The following UBXN7 variants were observed in gnomAD, a reference collection of about 807,000 sequenced individuals.
The protein encoded by UBXN7 is UBX domain-containing protein 7.
UBXN7 carries 9 observed loss-of-function variants against 58.0 expected under a neutral mutation model. That is an observed-to-expected ratio of 0.16 (90% confidence interval 0.09 to 0.27). The LOEUF (loss-of-function observed/expected upper bound fraction) is 0.27. Among genes scored for constraint, UBXN7 ranks in the 10% least tolerant of loss-of-function variants. UBXN7 has a pLI of 1.00. For synonymous variants in UBXN7, 208 were observed against 205.0 expected (o/e 1.01, Z -0.12); for missense variants, 328 against 599.6 (o/e 0.55, Z 4.73).
At chr3:196,379,385 T>C (rs973001759) in intron 5 of UBXN7, among the ~76,000 whole-genome samples, 2 of 152,212 alleles carry the variant, frequency 1.3e-5, no homozygotes, top group Non-Finnish European at 2.9e-5. Context: ...TGACTTAGAA[T>C]GTCTAACCTT....
chr3:196,421,927 G>A (rs1007064090), intron 1 of UBXN7, among the ~76,000 whole-genome samples: 53 of 152,032 alleles, frequency 3.5e-4, no homozygotes, highest in African/African-American at 1.1e-3. Context: ...GGCCAGGCAC[G>A]GTAGCTCACG....
chr3:196,419,034 T>A (rs976775265), intron 1 of UBXN7, among the ~76,000 whole-genome samples: 7 of 152,072 alleles, frequency 4.6e-5, no homozygotes, highest in Non-Finnish European at 2.9e-5. Context: ...GGGAGGCCGA[T>A]GTGGGTGGAT....
intron 6 of UBXN7, among the ~76,000 whole-genome samples, chr3:196,370,242 G>C (rs1577438305): frequency 6.6e-6 from 1 of 151,620 alleles, no homozygotes; most frequent in East Asian, 1.9e-4. Flanking sequence ...TTTGAGACCA[G>C]CCTGGGCATC....
At chr3:196,416,410 G>T (rs960084658) in intron 1 of UBXN7, among the ~76,000 whole-genome samples, 1 of 151,940 alleles carries the variant, frequency 6.6e-6, no homozygotes, top group Admixed American at 6.6e-5. Flanking sequence ...CTGCCTGGGC[G>T]ATTGAGCAAG....
chr3:196,385,938 G>C (rs1044696359), intron 5 of UBXN7, among the ~76,000 whole-genome samples: 1 of 152,226 alleles, frequency 6.6e-6, no homozygotes, highest in Non-Finnish European at 1.5e-5. Flanking sequence ...GAATAGAAGG[G>C]GGGGAAATGT....
chr3:196,390,779 T>C (rs748505264), intron 5 of UBXN7, among the ~76,000 whole-genome samples: 13 of 150,128 alleles, frequency 8.7e-5, no homozygotes, highest in Non-Finnish European at 1.9e-4. Flanking sequence ...TTTACATCTA[T>C]GGAAATGCTA....
chr3:196,396,012 C>G (rs529207176), intron 3 of UBXN7, among the ~76,000 whole-genome samples: 10 of 152,094 alleles, frequency 6.6e-5, no homozygotes, highest in African/African-American at 9.7e-5. Context: ...GTGATCCACC[C>G]GCCTCGGCTA....
intron 1 of UBXN7, among the ~76,000 whole-genome samples, chr3:196,407,729 A>C (rs1382810467): frequency 6.6e-6 from 1 of 152,176 alleles, no homozygotes; most frequent in Non-Finnish European, 1.5e-5. Context: ...AAGAAAAATG[A>C]AAGACTACAT....
chr3:196,358,389 T>G (rs561419738), intron 10 of UBXN7, among the ~76,000 whole-genome samples: 1 of 152,316 alleles, frequency 6.6e-6, no homozygotes, highest in East Asian at 1.9e-4. Flanking sequence ...AAATCTTCAC[T>G]GGAACATACC....
Position 196,350,506 on chromosome 3 carries a change from CAT to C in UBXN7, c.*6177_*6178del, listed in dbSNP as rs1410326730. On this transcript the variant is annotated 3_prime_UTR_variant, in exon 11 of 11. Coordinates refer to ENST00000296328, the MANE Select transcript of UBXN7 (RefSeq NM_015562.2). Reference sequence around the variant, plus strand: ...AAACATAGCCAATTACACTAAAAATCATAACTATTTTCAGAGAATGAATGTTA... The same window carrying C: ...AAACATAGCCAATTACACTAAAAATCAACTATTTTCAGAGAATGAATGTTA... 4.0e-5 allele frequency: 6 copies of C among 149,964 alleles called. No individual in the cohort carries two copies. The highest frequency in any genetic ancestry group is 1.3e-4 in the Admixed American group (2 of 14,980). 9.3% of individuals were successfully genotyped at this position (149,964 alleles called of 1,614,324 possible).
chr3:196,412,230 C>CAAAAAAAAAAAAAAAAAAAAA (rs55746914), intron 1 of UBXN7, among the ~76,000 whole-genome samples: 1 of 89,124 alleles, frequency 1.1e-5, no homozygotes, highest in African/African-American at 4.9e-5. Flanking sequence ...GACTTTGTCT[C>CAAAAAAAAAAAAAAAAAAAAA]AAAAAAAAAA....
chr3:196,402,003 T>C lies in UBXN7; in HGVS notation c.289+949A>G, dbSNP rs1459593266. 3.3e-5 allele frequency among the ~76,000 whole-genome samples: 5 copies of C among 152,084 alleles called. No homozygotes were observed. In the South Asian group the frequency reaches 1.0e-3, roughly 32 times the overall value. ...AAAGTTGGAGGGAAAAAAATTTGTA[T>C]GTCTCTTGTACTCAATTGTATTTAT... On this transcript the variant is annotated intron_variant, in intron 3 of 10. Coordinates refer to ENST00000296328, the MANE Select transcript of UBXN7 (RefSeq NM_015562.2).
chr3:196,373,446 C>T (rs1728900517), intron 5 of UBXN7, among the ~76,000 whole-genome samples: 1 of 152,168 alleles, frequency 6.6e-6, no homozygotes, highest in South Asian at 2.1e-4. Flanking sequence ...AATGCTGCCT[C>T]AAATCTTTGC....
At chr3:196,396,104 G>A (rs982392793) in intron 3 of UBXN7, among the ~76,000 whole-genome samples, 4 of 151,840 alleles carry the variant, frequency 2.6e-5, no homozygotes, top group Non-Finnish European at 4.4e-5. Context: ...ACCCTGTGTC[G>A]CTCTCTACCT....
intron 1 of UBXN7, among the ~76,000 whole-genome samples, chr3:196,417,427 T>C (rs569719633): frequency 9.2e-5 from 14 of 152,322 alleles, no homozygotes; most frequent in African/African-American, 2.9e-4. Context: ...TCTGTACTCA[T>C]GCTAAGGAGC....
chr3:196,373,954 A>C (rs1728916475), intron 5 of UBXN7, among the ~76,000 whole-genome samples: 1 of 152,258 alleles, frequency 6.6e-6, no homozygotes, highest in East Asian at 1.9e-4. Flanking sequence ...AGGAAGCCGC[A>C]TTTAACTGGT....
chr3:196,401,290 TATATATATAC>T (rs1342247491), intron 3 of UBXN7, among the ~76,000 whole-genome samples: 9 of 82,650 alleles, frequency 1.1e-4, no homozygotes, highest in African/African-American at 4.6e-4. Flanking sequence ...TATATATATA[TATATATATAC>T]ACACACACAC....
intron 5 of UBXN7, among the ~76,000 whole-genome samples, chr3:196,375,214 C>CACA (rs1165218088): frequency 1.3e-5 from 2 of 150,726 alleles, no homozygotes; most frequent in African/African-American, 2.5e-5. Context: ...CACACACACA[C>CACA]ACACACACAC....
intron 1 of UBXN7, among the ~76,000 whole-genome samples, chr3:196,412,380 T>C (rs1730360001): frequency 6.6e-6 from 1 of 152,118 alleles, no homozygotes; most frequent in Admixed American, 6.6e-5. Flanking sequence ...ACTGTTTTTT[T>C]TAGTACCAGC....
Sources: allele counts gnomAD v4.1 joint callset (sites outside exome capture counted in the v4.1 genomes callset), GRCh38; gene constraint gnomAD v4.1.1; transcripts MANE v1.5; gene names NCBI Gene and HGNC (gene_info 2026-07-23, HGNC 2026-07-21).